SLC38A6: variants seen among roughly 807,000 people sequenced by gnomAD.
SLC38A6 encodes the protein N system amino acid transporter NAT-1.
In SLC38A6, 73 loss-of-function variants were observed where a neutral mutation model predicts 65.0. That is an observed-to-expected ratio of 1.12 (90% CI 0.93 to 1.37). SLC38A6 has a LOEUF of 1.37. SLC38A6 is among the 40% of genes most tolerant of loss of function. The pLI, the probability that SLC38A6 is intolerant of heterozygous loss-of-function variation, is 0.00. For missense variants in SLC38A6, 561 were observed against 531.1 expected, an observed-to-expected ratio of 1.06 and a Z score of -0.55; for synonymous variants, 183 against 178.8, an observed-to-expected ratio of 1.02 and a Z score of -0.19.
chr14:61,008,519 A>G (rs1480254293), intron 3 of SLC38A6, among the ~76,000 whole-genome samples: 1 of 152,208 alleles, frequency 6.6e-6, no homozygotes, highest in Non-Finnish European at 1.5e-5. Context: ...AAAGATATGT[A>G]TTGCTGTACC....
chr14:61,022,319 T>A (rs2040385332), intron 5 of SLC38A6, among the ~76,000 whole-genome samples: 1 of 151,976 alleles, frequency 6.6e-6, no homozygotes, highest in African/African-American at 2.4e-5. Flanking sequence ...GAACCTCCTC[T>A]TAGGTTAAAG....
intron 8 of SLC38A6, among the ~76,000 whole-genome samples, chr14:61,041,838 T>TG (rs2139773046): frequency 6.6e-6 from 1 of 152,202 alleles, no homozygotes; most frequent in African/African-American, 2.4e-5. Context: ...AGGTGGAGGT[T>TG]GCAGTGAGCT....
intron 15 of SLC38A6, among the ~76,000 whole-genome samples, chr14:61,068,224 G>A (rs1214765174): frequency 2.6e-5 from 4 of 152,050 alleles, no homozygotes; most frequent in African/African-American, 4.8e-5. Context: ...TCTCATATCT[G>A]TCAGCAGCCC....
At chr14:60,985,137 G>C (rs949015753) in intron 3 of SLC38A6, among the ~76,000 whole-genome samples, 1 of 152,204 alleles carries the variant, frequency 6.6e-6, no homozygotes, top group African/African-American at 2.4e-5. Flanking sequence ...TTCTCAAGGA[G>C]AGAACACCTT....
intron 16 of SLC38A6, among the ~76,000 whole-genome samples, chr14:61,079,840 G>A (rs1208031642): frequency 1.3e-5 from 2 of 152,006 alleles, no homozygotes; most frequent in African/African-American, 2.4e-5. Context: ...CCTGAACAAC[G>A]AAGGATTTCT....
chr14:61,026,355 T>C (rs2139629034), intron 5 of SLC38A6, among the ~76,000 whole-genome samples: 1 of 152,052 alleles, frequency 6.6e-6, no homozygotes, highest in Admixed American at 6.6e-5. Flanking sequence ...TACAGTAGAG[T>C]CATAGCAGTA....
At chr14:61,020,448 A>G (rs1191396414) in intron 5 of SLC38A6, among the ~76,000 whole-genome samples, 3 of 152,122 alleles carry the variant, frequency 2.0e-5, no homozygotes, top group African/African-American at 7.2e-5. Context: ...CAGCTCTCAT[A>G]ATCAAGAGGT....
At chr14:61,035,402 G>A (rs531499163) in intron 6 of SLC38A6, among the ~76,000 whole-genome samples, 10 of 152,034 alleles carry the variant, frequency 6.6e-5, no homozygotes, top group South Asian at 2.1e-4. Context: ...TTAAAGCCAC[G>A]TAACATTCCA....
At chr14:61,065,015 A>G (rs2042976014) in intron 15 of SLC38A6, among the ~76,000 whole-genome samples, 1 of 152,100 alleles carries the variant, frequency 6.6e-6, no homozygotes, top group African/African-American at 2.4e-5. Context: ...TGCTTGTGCT[A>G]TATTATTTCA....
chr14:60,989,184 G>A (rs1401749276), intron 3 of SLC38A6, among the ~76,000 whole-genome samples: 1 of 152,026 alleles, frequency 6.6e-6, no homozygotes, highest in African/African-American at 2.4e-5. Flanking sequence ...TATATACTCT[G>A]TTCCTTGGGA....
intron 3 of SLC38A6, among the ~76,000 whole-genome samples, chr14:60,994,814 G>A (rs374264135): frequency 2.6e-5 from 4 of 151,370 alleles, no homozygotes; most frequent in Admixed American, 1.3e-4. Flanking sequence ...GACCAGCCTG[G>A]CCAACATGGT....
chr14:61,063,157 A>AT (rs2042912040), intron 15 of SLC38A6, among the ~76,000 whole-genome samples: 1 of 152,180 alleles, frequency 6.6e-6, no homozygotes, highest in Non-Finnish European at 1.5e-5. Flanking sequence ...TTATATACAA[A>AT]ATTGATTCTT....
chr14:61,021,565 A>G (rs574795459), intron 5 of SLC38A6, among the ~76,000 whole-genome samples: 1 of 152,146 alleles, frequency 6.6e-6, no homozygotes, highest in Non-Finnish European at 1.5e-5. Flanking sequence ...TCTAGAAAGG[A>G]TTCTTGCATT....
intron 16 of SLC38A6, among the ~76,000 whole-genome samples, chr14:61,080,282 C>T (rs550744406): frequency 1.2e-4 from 18 of 152,238 alleles, no homozygotes; most frequent in African/African-American, 3.6e-4. Context: ...AATTTGATTT[C>T]GTGTTCTCTA....
At chr14:61,044,545 A>G (rs536764171) in intron 10 of SLC38A6, among the ~76,000 whole-genome samples, 65 of 152,218 alleles carry the variant, frequency 4.3e-4, no homozygotes, top group Non-Finnish European at 6.8e-4. Context: ...TCTAGGCATT[A>G]TGTCCCAAGA....
chr14:61,014,921 A>G (rs2039879632), intron 3 of SLC38A6, among the ~76,000 whole-genome samples: 1 of 152,146 alleles, frequency 6.6e-6, no homozygotes, highest in Admixed American at 6.5e-5. Flanking sequence ...TGTCAGACAG[A>G]GACATTTAAG....
intron 15 of SLC38A6, among the ~76,000 whole-genome samples, chr14:61,068,631 G>A (rs2043111518): frequency 6.6e-6 from 1 of 152,186 alleles, no homozygotes; most frequent in Admixed American, 6.5e-5. Flanking sequence ...TGCCCTGCCT[G>A]TCTTATGGTC....
At chr14:60,982,312 C>G (rs1052808471) in intron 1 of SLC38A6, 196 bp from the exon 2 acceptor site, 1 of 674,168 alleles carries the variant, frequency 1.5e-6, no homozygotes, top group African/African-American at 1.8e-5. Context: ...CTAAGAAACC[C>G]TAGATTCCTG....
intron 15 of SLC38A6, among the ~76,000 whole-genome samples, chr14:61,067,300 G>A (rs143977207): frequency 2.0e-5 from 3 of 152,194 alleles, no homozygotes; most frequent in Non-Finnish European, 4.4e-5. Context: ...GGAAAAACTC[G>A]AGTAAGCCGT....
Sources: allele counts gnomAD v4.1 joint callset (sites outside exome capture counted in the v4.1 genomes callset), GRCh38; gene constraint gnomAD v4.1.1; transcripts MANE v1.5; gene names NCBI Gene and HGNC (gene_info 2026-07-23, HGNC 2026-07-21).